ZNF486: variants seen among roughly 807,000 people sequenced by gnomAD.
ZNF486 encodes the protein zinc finger protein 486.
ZNF486 carries 12 observed loss-of-function variants against 12.8 expected under a neutral mutation model. The observed-to-expected ratio is 0.94, with a 90% CI of 0.60 to 1.52. ZNF486 has a LOEUF of 1.52. Ranked by LOEUF, ZNF486 falls within the 40% of genes most tolerant of loss-of-function variation. ZNF486 has a pLI of 0.00. For missense variants in ZNF486, 738 were observed against 545.0 expected (o/e 1.35, Z -3.53); for synonymous variants, 231 against 184.9 (o/e 1.25, Z -2.02).
At chr19:20,172,418 C>A (rs1036833820) in intron 1 of ZNF486, among the ~76,000 whole-genome samples, 7 of 151,996 alleles carry the variant, frequency 4.6e-5, no homozygotes, top group Admixed American at 3.3e-4. Context: ...CCTGCCTCAG[C>A]CTCCTGAGTA....
chr19:20,191,936 C>A (rs1413313488), intron 3 of ZNF486, among the ~76,000 whole-genome samples: 11 of 151,958 alleles, frequency 7.2e-5, no homozygotes, highest in African/African-American at 2.7e-4. Flanking sequence ...TTTTATGTTG[C>A]TATGTATGCC....
At chr19:20,188,328 T>G in intron 3 of ZNF486, 1 of 397,562 alleles carries the variant, frequency 2.5e-6, no homozygotes. Context: ...TTTTCAGTTT[T>G]TCTTTAAAAA....
rs1568317099 is a variant in ZNF486 at position 20,174,397 on chromosome 19, CTTCT to C, written c.30+7040_30+7043del. 6.0e-3 allele frequency among the ~76,000 whole-genome samples: 896 copies of C among 148,248 alleles called. 7 individuals are homozygous for C. Among genetic ancestry groups the C allele is most frequent in the African/African-American group, 0.022 (849 of 38,910 alleles). ...GTATTTTGTTTTTCTTTCTTTCTTT[CTTCT>C]TTTTTTTTTTTGAGAGAGTCTCTGT... On this transcript the variant is annotated intron_variant, in intron 1 of 3. Coordinates refer to ENST00000335117, the MANE Select transcript of ZNF486 (RefSeq NM_052852.4).
At chr19:20,185,644 G>A (rs11883336) in intron 2 of ZNF486, among the ~76,000 whole-genome samples, 11,316 of 151,722 alleles carry the variant, frequency 0.075, 619 homozygotes, top group African/African-American at 0.16. Context: ...TCCTGACCTT[G>A]TGATCCACCC....
intron 1 of ZNF486, among the ~76,000 whole-genome samples, chr19:20,174,797 G>T (rs1555714398): frequency 2.6e-5 from 4 of 152,158 alleles, no homozygotes; most frequent in Non-Finnish European, 5.9e-5. Flanking sequence ...TTTGGCTGAA[G>T]TATAGTTTTA....
At chr19:20,168,291 G>A (rs782182628) in intron 1 of ZNF486, among the ~76,000 whole-genome samples, 1 of 152,028 alleles carries the variant, frequency 6.6e-6, no homozygotes, top group South Asian at 2.1e-4. Flanking sequence ...CCCAGGAGGC[G>A]GAGGTTGCAG....
At chr19:20,181,172 G>T (rs782245077) in intron 1 of ZNF486, among the ~76,000 whole-genome samples, 19 of 152,284 alleles carry the variant, frequency 1.2e-4, no homozygotes, top group South Asian at 4.1e-4. Flanking sequence ...GTAGAGATCA[G>T]AGTTTTGGCT....
chr19:20,186,573 GTA>G (rs1441524095), intron 3 of ZNF486, among the ~76,000 whole-genome samples: 4 of 151,914 alleles, frequency 2.6e-5, no homozygotes, highest in Non-Finnish European at 4.4e-5. Flanking sequence ...GAAATTATAA[GTA>G]TGATATCCTT....
intron 1 of ZNF486, among the ~76,000 whole-genome samples, chr19:20,180,561 T>C (rs1012087732): frequency 1.3e-5 from 2 of 152,202 alleles, no homozygotes; most frequent in Admixed American, 6.5e-5. Context: ...TATTTATGAA[T>C]AGAATAATTG....
At chr19:20,169,562 G>A (rs2089624263) in intron 1 of ZNF486, among the ~76,000 whole-genome samples, 1 of 152,112 alleles carries the variant, frequency 6.6e-6, no homozygotes, top group Non-Finnish European at 1.5e-5. Context: ...TTAAGATTAA[G>A]GTGAAAGGAA....
chr19:20,180,613 A>T (rs1272362557), intron 1 of ZNF486, among the ~76,000 whole-genome samples: 2 of 152,188 alleles, frequency 1.3e-5, no homozygotes, highest in African/African-American at 4.8e-5. Flanking sequence ...TCACTGTGTT[A>T]CCCAGGCATG....
At chr19:20,184,294 T>G (rs558421288) in intron 1 of ZNF486, 62 bp from the exon 2 acceptor site, 1 of 1,603,330 alleles carries the variant, frequency 6.2e-7, no homozygotes, top group South Asian at 1.1e-5. Context: ...TCATTTCACC[T>G]TAAATTAAAA....
chr19:20,197,272 G>A lies in ZNF486; in HGVS notation c.562G>A (p.Asp188Asn), dbSNP rs1368278684. 1.2e-6 allele frequency: 2 copies of A among 1,610,646 alleles called. No homozygotes were observed. The highest frequency in any genetic ancestry group is 2.2e-5 in the East Asian group (1 of 44,868). The change falls in exon 4 of 4, where the codon GAC (aspartate) becomes AAC (asparagine). Residue 188 changes from aspartate (D) to asparagine (N), a missense_variant. By Grantham distance (23) the Asp-to-Asn change is conservative (BLOSUM62 1). Transcript: ENST00000335117. ...EKKPLKYIEG[D>N]KAFNQSSTHT... ...AAAACCTTTGAAATATATAGAAGGT[G>A]ACAAAGCTTTTAACCAGTCCTCAAC...
intron 1 of ZNF486, among the ~76,000 whole-genome samples, chr19:20,169,367 C>T (rs782567337): frequency 5.9e-5 from 9 of 152,128 alleles, no homozygotes; most frequent in Non-Finnish European, 1.0e-4. Flanking sequence ...CCTTGGCCTC[C>T]CAAAGTGCTG....
chr19:20,175,938 G>T (rs1412105829), intron 1 of ZNF486, among the ~76,000 whole-genome samples: 1 of 151,634 alleles, frequency 6.6e-6, no homozygotes, highest in Admixed American at 6.5e-5. Flanking sequence ...CCTCCCGGAT[G>T]GGGCGGCTGG....
intron 1 of ZNF486, among the ~76,000 whole-genome samples, chr19:20,182,054 C>G (rs1599706033): frequency 6.6e-6 from 1 of 152,212 alleles, no homozygotes; most frequent in South Asian, 2.1e-4. Context: ...CCTCTATAAA[C>G]TTTAAAGAGC....
At chr19:20,171,927 GTTC>G (rs1335331986) in intron 1 of ZNF486, among the ~76,000 whole-genome samples, 1 of 150,884 alleles carries the variant, frequency 6.6e-6, no homozygotes, top group African/African-American at 2.4e-5. Flanking sequence ...GTGTTCATGT[GTTC>G]TTATTATTTA....
chr19:20,188,342 T>C (rs2089870445), intron 3 of ZNF486: 3 of 398,020 alleles, frequency 7.5e-6, no homozygotes, highest in Non-Finnish European at 4.4e-6. Flanking sequence ...TTAAAAAAAT[T>C]GTTTTAAAAA....
Position 20,198,387 on chromosome 19 carries a change from G to A in ZNF486, c.*285G>A, listed in dbSNP as rs190434681. 22 of 360,858 alleles carry A rather than the reference G, an allele frequency of 6.1e-5. No homozygotes were observed. Among genetic ancestry groups the A allele is most frequent in the Middle Eastern group, 4.2e-4 (1 of 2,360 alleles). The allele number at this position is 360,858 out of a possible 1,614,324, so 22.4% of individuals were successfully genotyped here. A position where few individuals can be genotyped will look rare whatever the true frequency, so the allele number is the denominator to read the frequency against. On this transcript the variant is annotated 3_prime_UTR_variant, in exon 4 of 4. Transcript: ENST00000335117. ...CAAAGTGTTGGGGTTACAGGCATGAGCCACTGTGCCTGGCTGACAAAGCTT... is the reference window on the plus strand; with the variant it reads ...CAAAGTGTTGGGGTTACAGGCATGAACCACTGTGCCTGGCTGACAAAGCTT...
Sources: allele counts gnomAD v4.1 joint callset (sites outside exome capture counted in the v4.1 genomes callset), GRCh38; gene constraint gnomAD v4.1.1; transcripts MANE v1.5; gene names NCBI Gene and HGNC (gene_info 2026-07-23, HGNC 2026-07-21).